SREBF1: variants seen among roughly 807,000 people sequenced by gnomAD.
SREBF1 encodes the protein sterol regulatory element-binding protein 1.
A neutral mutation model predicts 100.1 loss-of-function variants in SREBF1; 45 were observed. The ratio of observed to expected loss-of-function variants is 0.45; its 90% CI spans 0.35 to 0.58. SREBF1 has a LOEUF of 0.58. SREBF1 is among the 20% of genes least tolerant of loss of function. The pLI, the probability that SREBF1 is intolerant of heterozygous loss-of-function variation, is 0.00. For missense variants in SREBF1, 1,324 were observed against 1,539.4 expected (o/e 0.86, Z 2.34); for synonymous variants, 657 against 681.8 (o/e 0.96, Z 0.57).
rs769564165 is a variant in SREBF1, at chr17:17,815,956, G to A, written c.2287C>T (p.Leu763Phe). The A allele has an allele frequency of 6.2e-7, 1 of 1,612,922 alleles. No individual in the cohort carries two copies. The highest frequency in any genetic ancestry group is 2.2e-5 in the East Asian group (1 of 44,876). ...AAACGGTGGCCCACGGGGTGGCAGA[G>A]CCACTGCATGGCAGGAGGCACTGAG... ...SGSVPPAMQW[L>F]CHPVGHRFFV... Residue 763 changes from leucine to phenylalanine, a missense_variant, in exon 12 of 19, where the codon CTC (leucine) becomes TTC (phenylalanine). Coordinates refer to ENST00000261646, the MANE Select transcript of SREBF1 (RefSeq NM_004176.5).
chr17:17,820,027 C>A (rs146296698), intron 2 of SREBF1, 63 bp downstream of exon 2: 1,074 of 1,520,300 alleles, frequency 7.1e-4, no homozygotes, highest in Non-Finnish European at 8.5e-4. Context: ...ACAGCAGAAG[C>A]TTCTTCCTGT....
At chr17:17,814,119 C>A in intron 16 of SREBF1, 126 bp downstream of exon 16, 1 of 1,120,374 alleles carries the variant, frequency 8.9e-7, no homozygotes. Flanking sequence ...GTCTGCTGGA[C>A]CCCCTATCCT....
At chr17:17,812,879 G>T in intron 18 of SREBF1, 28 bp from the exon 19 acceptor site, 2 of 1,469,212 alleles carry the variant, frequency 1.4e-6, no homozygotes, top group Non-Finnish European at 8.9e-7. Context: ...TGTCAGGGAT[G>T]GGTCTCAAGC....
chr17:17,829,715 G>A (rs964549761), intron 1 of SREBF1, among the ~76,000 whole-genome samples: 1 of 152,134 alleles, frequency 6.6e-6, no homozygotes, highest in African/African-American at 2.4e-5. Flanking sequence ...TATGATCATG[G>A]CTCACTGCAG....
intron 1 of SREBF1, among the ~76,000 whole-genome samples, chr17:17,833,332 A>T (rs1358810315): frequency 6.8e-6 from 1 of 147,478 alleles, no homozygotes; most frequent in Non-Finnish European, 1.5e-5. Flanking sequence ...GCTGAGGCAG[A>T]ACTGTTTGAA....
rs1465289024 is a variant in SREBF1 at position 17,814,444 on chromosome 17, A to T, written c.2736-34T>A. 3.2e-6 allele frequency: 5 copies of T among 1,548,728 alleles called. No homozygotes were observed. The African/African-American group carries it at 6.8e-5, about 21-fold the overall frequency. On this transcript the variant is annotated intron_variant, in intron 15 of 18. Coordinates refer to ENST00000261646, the MANE Select transcript of SREBF1 (RefSeq NM_004176.5). ...ACCAGGGCAGAAGAGTGCCAGTCAG[A>T]CCAGTCCACAAGCCCTGGCTGAGTG...
At position 17,821,131 on chromosome 17, in the gene SREBF1, C is replaced by G. The variant is rs116935243; in HGVS notation, c.92-610G>C. Among the ~76,000 whole-genome samples, 131 of 149,144 alleles carry G rather than the reference C, an allele frequency of 8.8e-4. 1 individual carries two copies. In the East Asian group the frequency reaches 0.021, roughly 23 times the overall value. On this transcript the variant is annotated intron_variant, in intron 1 of 18. Coordinates refer to ENST00000261646, the MANE Select transcript of SREBF1 (RefSeq NM_004176.5). Reference sequence around the variant, plus strand: ...ATGGGGCATGCATTCTACAAGACATCCACCTCTGAGTCCACACACATACAC... The same window carrying G: ...ATGGGGCATGCATTCTACAAGACATGCACCTCTGAGTCCACACACATACAC...
Position 17,816,619 on chromosome 17 carries a change from A to G in SREBF1, c.1885T>C (p.Trp629Arg). The change falls in exon 10 of 19, where the codon TGG becomes CGG. Residue 629 changes from tryptophan to arginine, a missense_variant. Trp to Arg is a moderately radical substitution (Grantham distance 101, BLOSUM62 -3). Transcript: ENST00000261646. ...SHLDLACSLLWNLIRHLLQRL... is the reference protein window; with the variant it reads ...SHLDLACSLLRNLIRHLLQRL... Reference sequence around the variant, plus strand: ...TGCAGCAGGTGACGGATGAGGTTCCAGAGGAGGCTACAAGCCAGGTCCAGG... The same window carrying G: ...TGCAGCAGGTGACGGATGAGGTTCCGGAGGAGGCTACAAGCCAGGTCCAGG... The G allele has an allele frequency of 1.9e-6, 3 of 1,604,652 alleles. No individual in the cohort carries two copies. Among genetic ancestry groups the G allele is most frequent in the Non-Finnish European group, 2.5e-6 (3 of 1,176,492 alleles).
chr17:17,826,221 G>A (rs1251930029), intron 1 of SREBF1, among the ~76,000 whole-genome samples: 1 of 151,816 alleles, frequency 6.6e-6, no homozygotes, highest in Non-Finnish European at 1.5e-5. Context: ...GGAAAGTCAG[G>A]TAGTGAGTTG....
In SREBF1 at chr17:17,819,343, T is replaced by C; in HGVS notation, c.823A>G (p.Thr275Ala). ...ACCGGCAAAGGCCCTGTCTGCACAG[T>C]GGTGCCAGAGACCAGGGGACTGAGA... ...AGLSPLVSGTTVQTGPLPTLV... is the reference protein window; with the variant it reads ...AGLSPLVSGTAVQTGPLPTLV... Residue 275 changes from threonine to alanine, a missense_variant, in exon 4 of 19, where the codon ACT becomes GCT. Coordinates refer to ENST00000261646, the MANE Select transcript of SREBF1 (RefSeq NM_004176.5). 6.2e-7 allele frequency: 1 copy of C among 1,613,802 alleles called. No homozygotes were observed. Among genetic ancestry groups the C allele is most frequent in the East Asian group, 2.2e-5 (1 of 44,890 alleles).
chr17:17,825,603 C>CTTTTTT (rs60178339), intron 1 of SREBF1, among the ~76,000 whole-genome samples: 2 of 92,554 alleles, frequency 2.2e-5, no homozygotes, highest in African/African-American at 3.9e-5. Context: ...TGGCCAATTT[C>CTTTTTT]TTTTTTTTTT....
Position 17,813,494 on chromosome 17 carries a change from A to C in SREBF1, c.3103-15T>G. 4 of 1,592,392 alleles carry C rather than the reference A, an allele frequency of 2.5e-6. No individual in the cohort carries two copies. The South Asian group carries it at 4.5e-5, about 18-fold the overall frequency. On this transcript the variant is annotated splice_polypyrimidine_tract_variant and intron_variant, in intron 17 of 18. Coordinates refer to ENST00000261646, the MANE Select transcript of SREBF1 (RefSeq NM_004176.5). ...TGTAGGAACACCTGGGGGCCAGGAGAGTGGAGGCTCAGGGCTCTCCATCTC... is the reference window on the plus strand; with the variant it reads ...TGTAGGAACACCTGGGGGCCAGGAGCGTGGAGGCTCAGGGCTCTCCATCTC...
chr17:17,815,447 T>C, intron 12 of SREBF1, 118 bp from the exon 13 acceptor site: 1 of 770,096 alleles, frequency 1.3e-6, no homozygotes, highest in Admixed American at 2.2e-5. Context: ...AGTGCCGGCA[T>C]GCCCCTGGGT....
At chr17:17,814,785 G>A (rs369265246) in intron 14 of SREBF1, 38 bp from the exon 15 acceptor site, 65 of 1,610,112 alleles carry the variant, frequency 4.0e-5, no homozygotes, top group African/African-American at 5.3e-5. Flanking sequence ...CCTCAGTCAC[G>A]CTGCACGGGG....
At position 17,811,930 on chromosome 17, in the gene SREBF1, TAACA is replaced by T. The variant is rs538831427; in HGVS notation, c.*688_*691del. ...AGCCAGCCCTCCCCACTCCTCCCAC[TAACA>T]AACAAACATCGGGAAGAGCTAAGTT... is the stretch of plus-strand genomic sequence containing the variant. On this transcript the variant is annotated 3_prime_UTR_variant, in exon 19 of 19. Coordinates refer to ENST00000261646, the MANE Select transcript of SREBF1 (RefSeq NM_004176.5). 1.5e-4 allele frequency: 69 copies of T among 447,112 alleles called. No homozygotes were observed. In the Middle Eastern group the frequency reaches 1.7e-3, roughly 11 times the overall value. The allele number at this position is 447,112 out of a possible 1,614,324, so 27.7% of individuals were successfully genotyped here.
chr17:17,811,403 G>GAA lies in SREBF1; in HGVS notation c.*1217_*1218dup, dbSNP rs34061744. ...GAGTAAAAAACAGTCATTGCATTCA[G>GAA]AAAAAAAAAAAAAAAAAAGTCAATA... On this transcript the variant is annotated 3_prime_UTR_variant, in exon 19 of 19. Coordinates refer to ENST00000261646, the MANE Select transcript of SREBF1 (RefSeq NM_004176.5). 0.019 allele frequency: 3,142 copies of GAA among 163,050 alleles called. 6 individuals carry two copies. Among genetic ancestry groups the GAA allele is most frequent in the South Asian group, 0.029 (339 of 11,892 alleles). The allele number at this position is 163,050 out of a possible 1,614,324, so 10.1% of individuals were successfully genotyped here.
rs751970106 is a variant in SREBF1, at chr17:17,820,524, G to A, written c.92-3C>T. 6.2e-7 allele frequency: 1 copy of A among 1,613,144 alleles called. No homozygotes were observed. The highest frequency in any genetic ancestry group is 1.3e-5 in the African/African-American group (1 of 74,894). Reference sequence around the variant, plus strand: ...GTTGTTGATAAGCTGAAGCATGTCTGTGAAAAGGAGAAGAGGGTGCGTGAG... The same window carrying A: ...GTTGTTGATAAGCTGAAGCATGTCTATGAAAAGGAGAAGAGGGTGCGTGAG... On this transcript the variant is annotated splice_region_variant and splice_polypyrimidine_tract_variant and intron_variant, in intron 1 of 18. Transcript: ENST00000261646.
chr17:17,816,571 G>A lies in SREBF1; in HGVS notation c.1933C>T (p.Leu645=). Residue 645 remains leucine, a synonymous_variant, in exon 10 of 19, where the codon CTG becomes TTG. Transcript: ENST00000261646. ...LLQRLWVGRW[L]AGRAGGLQQD... ...TGCAGGCCCCCTGCCCGGCCTGCCA[G>A]CCAGCGGCCCACCCAGAGACGCTGC... 3.1e-6 allele frequency: 5 copies of A among 1,606,044 alleles called. No individual in the cohort carries two copies. The highest frequency in any genetic ancestry group is 3.4e-6 in the Non-Finnish European group (4 of 1,177,242).
chr17:17,826,282 C>A (rs1160840660), intron 1 of SREBF1, among the ~76,000 whole-genome samples: 2 of 137,704 alleles, frequency 1.5e-5, no homozygotes, highest in Non-Finnish European at 3.2e-5. Flanking sequence ...TCGACTGAGT[C>A]TTTTTTTTTT....
Sources: allele counts gnomAD v4.1 joint callset (sites outside exome capture counted in the v4.1 genomes callset), GRCh38; gene constraint gnomAD v4.1.1; transcripts MANE v1.5; gene names NCBI Gene and HGNC (gene_info 2026-07-23, HGNC 2026-07-21).